ZNF844: variants seen among roughly 807,000 people sequenced by gnomAD.
ZNF844 encodes the protein zinc finger protein 844.
Under a neutral mutation model 11.4 loss-of-function variants are expected in ZNF844, and 11 were observed. The ratio of observed to expected loss-of-function variants is 0.97; its 90% CI spans 0.61 to 1.60. The LOEUF is 1.60. ZNF844 is among the 40% of genes most tolerant of loss of function. The pLI, the probability that ZNF844 is intolerant of heterozygous loss-of-function variation, is 0.00. For missense variants in ZNF844, 790 were observed against 796.8 expected, an observed-to-expected ratio of 0.99 and a Z score of 0.10; for synonymous variants, 248 against 260.3, an observed-to-expected ratio of 0.95 and a Z score of 0.46.
chr19:12,073,975 G>C, intron 1 of ZNF844, 56 bp from the exon 2 acceptor site: 1 of 1,573,776 alleles, frequency 6.4e-7, no homozygotes. Context: ...AGAGGGTATA[G>C]ACCCCCAGTG....
At chr19:12,068,461 A>G (rs1449392814) in intron 1 of ZNF844, among the ~76,000 whole-genome samples, 2 of 152,046 alleles carry the variant, frequency 1.3e-5, no homozygotes, top group African/African-American at 2.4e-5. Context: ...CCCCGTCTCT[A>G]TTAAAAAAAT....
At chr19:12,070,626 C>T (rs1180110057) in intron 1 of ZNF844, among the ~76,000 whole-genome samples, 1 of 152,160 alleles carries the variant, frequency 6.6e-6, no homozygotes, top group East Asian at 1.9e-4. Context: ...GCATTGCAGA[C>T]ATATGAATTA....
rs1374930444 is a variant in ZNF844 at position 12,077,098 on chromosome 19, A to G, written c.1978A>G (p.Ile660Val). 3 of 1,597,338 alleles carry G rather than the reference A, an allele frequency of 1.9e-6. No individual in the cohort carries two copies. The highest frequency in any genetic ancestry group is 2.3e-5 in the East Asian group (1 of 43,998). ...HSVCLVPFVD[I>V]KGLTLE ...AGTTTGCCTGGTTCCTTTCGTAGAC[A>G]TAAAAGGGCTCACACTGGAGTGAAA... The change falls in exon 4 of 4, where the codon ATA becomes GTA. Residue 660 changes from isoleucine (I) to valine (V), a missense_variant. Transcript: ENST00000439326.
intron 1 of ZNF844, among the ~76,000 whole-genome samples, chr19:12,068,427 A>G (rs1282472530): frequency 1.3e-5 from 2 of 152,214 alleles, no homozygotes; most frequent in African/African-American, 4.8e-5. Flanking sequence ...GGAGTTCGAG[A>G]CCAGCCTGAC....
Position 12,076,932 on chromosome 19 carries a change from G to A in ZNF844, c.1812G>A (p.Met604Ile), listed in dbSNP as rs149062686. 15 of 1,599,074 alleles carry A rather than the reference G, an allele frequency of 9.4e-6. No homozygotes were observed. In the East Asian group the frequency reaches 3.2e-4, roughly 34 times the overall value. The change falls in exon 4 of 4, where the codon ATG becomes ATA. Residue 604 changes from methionine to isoleucine, a missense_variant. Physicochemically the swap from Met to Ile is conservative, Grantham distance 10 (BLOSUM62 1). Coordinates refer to ENST00000439326, the MANE Select transcript of ZNF844 (RefSeq NM_001136501.3). Reference sequence around the variant, plus strand: ...ATCTGCCAAGATCCTTCGAGTACATGCAAGAACACACCCTGGAGAGAAACC... The same window carrying A: ...ATCTGCCAAGATCCTTCGAGTACATACAAGAACACACCCTGGAGAGAAACC... ...HSYLPRSFEY[M>I]QEHTLERNPM...
At chr19:12,069,701 T>C (rs1323135647) in intron 1 of ZNF844, among the ~76,000 whole-genome samples, 1 of 150,916 alleles carries the variant, frequency 6.6e-6, no homozygotes, top group Non-Finnish European at 1.5e-5. Flanking sequence ...ACACCTATAA[T>C]CCTAGCACTT....
At position 12,076,995 on chromosome 19, in the gene ZNF844, T is replaced by G. The variant is rs751218767; in HGVS notation, c.1875T>G (p.Ile625Met). ...NVRNAEKRSI[I>M]FLLCVYTKGC... is the part of the protein sequence containing the mutation. The stretch of plus-strand genomic sequence containing the variant: ...GGAATGCGGAAAAGCGTTCAATTAT[T>G]TTTCTTCTTTGCGTATACACAAAAG... Residue 625 changes from isoleucine (I) to methionine (M), a missense_variant, in exon 4 of 4, where the codon ATT becomes ATG. This residue lies in a region of ZNF844 where 657 missense variants were observed against 636.2 expected (regional missense o/e 1.03). Transcript: ENST00000439326. 2 of 1,598,340 alleles carry G rather than the reference T, an allele frequency of 1.3e-6. No homozygotes were observed. The highest frequency in any genetic ancestry group is 1.7e-6 in the Non-Finnish European group (2 of 1,172,040).
intron 2 of ZNF844, 96 bp downstream of exon 2, chr19:12,074,253 T>C: frequency 2.6e-6 from 4 of 1,563,538 alleles, no homozygotes; most frequent in Non-Finnish European, 3.5e-6. Flanking sequence ...AGGCAATACT[T>C]TGATGAATAA....
Position 12,076,600 on chromosome 19 carries a change from A to T in ZNF844, c.1480A>T (p.Met494Leu). 3.1e-6 allele frequency: 5 copies of T among 1,612,154 alleles called. No homozygotes were observed. The highest frequency in any genetic ancestry group is 2.5e-6 in the Non-Finnish European group (3 of 1,179,250). The change falls in exon 4 of 4, where the codon ATG (methionine) becomes TTG (leucine). Residue 494 changes from methionine (M) to leucine (L), a missense_variant. Physicochemically the swap from Met to Leu is conservative, Grantham distance 15. Coordinates refer to ENST00000439326, the MANE Select transcript of ZNF844 (RefSeq NM_001136501.3). ...ATTTTTTCCACTTCCTTTCGATATC[A>T]TGAAAGGACTCACACTGGAGAGAAA... ...PSFFPLPFDI[M>L]KGLTLERNPM...
intron 1 of ZNF844, among the ~76,000 whole-genome samples, chr19:12,072,427 GA>G (rs916235167): frequency 1.4e-5 from 2 of 145,274 alleles, no homozygotes; most frequent in African/African-American, 5.5e-5. Flanking sequence ...GTTGCTGGAA[GA>G]AAATTTTTTT....
chr19:12,076,730 T>C lies in ZNF844; in HGVS notation c.1610T>C (p.Val537Ala). 6.2e-7 allele frequency: 1 copy of C among 1,610,236 alleles called. No individual in the cohort carries two copies. Among genetic ancestry groups the C allele is most frequent in the Non-Finnish European group, 8.5e-7 (1 of 1,178,550 alleles). ...LESNCMNLNN[V>A]KKPLDLSETF... ...AGCAACTGTATGAATCTAAACAATG[T>C]GAAAAAACCTTTGGATCTGTCAGAA... The change falls in exon 4 of 4, where the codon GTG (valine) becomes GCG (alanine). Residue 537 changes from valine (V) to alanine (A), a missense_variant. Val to Ala is a moderately conservative substitution (Grantham distance 64). Around this residue, in one of 3 missense-constraint regions of ZNF844, gnomAD observed 657 missense variants for 636.2 expected, o/e 1.03. Coordinates refer to ENST00000439326, the MANE Select transcript of ZNF844 (RefSeq NM_001136501.3).
intron 1 of ZNF844, 143 bp from the exon 2 acceptor site, chr19:12,073,888 A>G: frequency 9.3e-7 from 1 of 1,074,424 alleles, no homozygotes; most frequent in East Asian, 3.0e-5. Flanking sequence ...GTAAGTGTAG[A>G]CAGAGAGTAA....
At chr19:12,065,939 A>G (rs770351401) in intron 1 of ZNF844, among the ~76,000 whole-genome samples, 18 of 151,740 alleles carry the variant, frequency 1.2e-4, no homozygotes, top group Non-Finnish European at 2.4e-4. Context: ...CCGGCTAAAA[A>G]TTGTTTTTTA....
Position 12,077,830 on chromosome 19 carries a change from ATT to A in ZNF844, c.*718_*719del. On this transcript the variant is annotated 3_prime_UTR_variant, in exon 4 of 4. Transcript: ENST00000439326. Reference sequence around the variant, plus strand: ...GCTGCATACTAACATGTTATTCTGTATTTTTTTTTTCTTTTTGAGACAGAGTC... The same window carrying A: ...GCTGCATACTAACATGTTATTCTGTATTTTTTTTCTTTTTGAGACAGAGTC... 2 of 274,496 alleles carry A rather than the reference ATT, an allele frequency of 7.3e-6. No homozygotes were observed. Among genetic ancestry groups the A allele is most frequent in the South Asian group, 7.1e-5 (2 of 28,146 alleles). The allele number at this position is 274,496 out of a possible 1,614,324, so 17.0% of individuals were successfully genotyped here.
Position 12,079,219 on chromosome 19 carries a change from A to G in ZNF844, c.*2098A>G, listed in dbSNP as rs562862391. The G allele has an allele frequency of 1.3e-5, 2 of 152,350 alleles. No homozygotes were observed. Among genetic ancestry groups the G allele is most frequent in the African/African-American group, 4.8e-5 (2 of 41,588 alleles). 9.4% of individuals were successfully genotyped at this position (152,350 alleles called of 1,614,324 possible). On this transcript the variant is annotated 3_prime_UTR_variant, in exon 4 of 4. Transcript: ENST00000439326. The stretch of plus-strand genomic sequence containing the variant: ...GAGAGACCCTCTGAATGCAAGCAAT[A>G]TGGAAAAGCATTCCATTGTATCAGA...
At chr19:12,073,070 G>C (rs781516199) in intron 1 of ZNF844, among the ~76,000 whole-genome samples, 16 of 152,018 alleles carry the variant, frequency 1.1e-4, no homozygotes, top group Non-Finnish European at 1.8e-4. Context: ...TTTTTGTTAA[G>C]AGTGGGTGCA....
rs1439738731 is a variant in ZNF844 at position 12,081,426 on chromosome 19, CAAT to C, written c.*4309_*4311del. 3 of 152,128 alleles carry C rather than the reference CAAT, an allele frequency of 2.0e-5. No homozygotes were observed. The highest frequency in any genetic ancestry group is 2.9e-5 in the Non-Finnish European group (2 of 68,018). 9.4% of individuals were successfully genotyped at this position (152,128 alleles called of 1,614,324 possible). ...ATGTTTGATTATATTTGATTAAAAACAATAATTTTTTTGGCAACCAAGATTTCT... is the reference window on the plus strand; with the variant it reads ...ATGTTTGATTATATTTGATTAAAAACAATTTTTTTGGCAACCAAGATTTCT... On this transcript the variant is annotated 3_prime_UTR_variant, in exon 4 of 4. Transcript: ENST00000439326.
Position 12,078,993 on chromosome 19 carries a change from GTGAC to G in ZNF844, c.*1873_*1876del, listed in dbSNP as rs1975862876. On this transcript the variant is annotated 3_prime_UTR_variant, in exon 4 of 4. Transcript: ENST00000439326. Reference sequence around the variant, plus strand: ...GCCTCCCAAGTAGCTGGGATTACAGGTGACCGCCACCACGCCCAGCTAATTTTTG... The same window carrying G: ...GCCTCCCAAGTAGCTGGGATTACAGGCGCCACCACGCCCAGCTAATTTTTG... 1 of 152,230 alleles carries G rather than the reference GTGAC, an allele frequency of 6.6e-6. No homozygotes were observed. The highest frequency in any genetic ancestry group is 1.5e-5 in the Non-Finnish European group (1 of 68,114). The allele number at this position is 152,230 out of a possible 1,614,324, so 9.4% of individuals were successfully genotyped here.
At chr19:12,073,880 A>T in intron 1 of ZNF844, 151 bp from the exon 2 acceptor site, 1 of 953,154 alleles carries the variant, frequency 1.0e-6, no homozygotes, top group Non-Finnish European at 1.5e-6. Flanking sequence ...AGAAGAAAGT[A>T]AGTGTAGACA....
Sources: gnomAD v4.1 joint callset for allele counts (sites outside exome capture counted in the v4.1 genomes callset) on GRCh38, gnomAD v4.1.1 for gene constraint, gnomAD v4.1.1 regional missense constraint, MANE v1.5 for transcripts, NCBI Gene and HGNC (gene_info 2026-07-23, HGNC 2026-07-21) for gene names.